RSF1: variants seen among roughly 807,000 people sequenced by gnomAD.
RSF1 encodes remodeling and spacing factor 1, also known as HBV pX-associated protein 8.
In RSF1, 13 loss-of-function variants were observed where a neutral mutation model predicts 145.2. That is an observed-to-expected ratio of 0.09 (90% CI 0.06 to 0.14). The LOEUF (loss-of-function observed/expected upper bound fraction) is 0.14. RSF1 is among the 10% of genes least tolerant of loss of function. RSF1 has a pLI of 1.00. For missense variants in RSF1, 1,517 were observed against 1,718.2 expected, an observed-to-expected ratio of 0.88 and a Z score of 2.07; for synonymous variants, 577 against 592.6, an observed-to-expected ratio of 0.97 and a Z score of 0.38.
At chr11:77,852,224 C>CAAAAA in the RSF1 span, among the ~76,000 whole-genome samples, 1,274 of 33,444 alleles carry the variant, frequency 0.038, 231 homozygotes, top group African/African-American at 0.19. Context: ...GACACTGTCT[C>CAAAAA]AAAAAAAAAA....
intron 1 of RSF1, among the ~76,000 whole-genome samples, chr11:77,774,788 C>T (rs1197247928): frequency 2.7e-5 from 4 of 146,672 alleles, no homozygotes; most frequent in Non-Finnish European, 4.5e-5. Context: ...TTTTTTGAGA[C>T]GGACTCTTGC....
At chr11:77,795,669 G>A (rs1475420123) in intron 1 of RSF1, among the ~76,000 whole-genome samples, 1 of 152,204 alleles carries the variant, frequency 6.6e-6, no homozygotes, top group Non-Finnish European at 1.5e-5. Flanking sequence ...AGCATATGCA[G>A]AAGAATAAAA....
chr11:77,779,385 T>A lies in RSF1; in HGVS notation c.188-14696A>T, dbSNP rs192940892. Among the ~76,000 whole-genome samples the A allele has an allele frequency of 1.8e-3, 183 of 99,248 alleles. 1 individual carries two copies. The highest frequency in any genetic ancestry group is 5.7e-3 in the East Asian group (19 of 3,344). The allele number at this position is 99,248 out of a possible 152,430, so 65.1% of individuals were successfully genotyped here. ...TATGCCTTGCTATTTCTAAAAAAAA[T>A]TTTTTTTTTTTTTTGAGATGGAGTT... is the stretch of plus-strand genomic sequence containing the variant. On this transcript the variant is annotated intron_variant, in intron 1 of 15. Transcript: ENST00000308488.
intron 5 of RSF1, among the ~76,000 whole-genome samples, chr11:77,724,879 GGTTCCTAAC>G (rs1432749391): frequency 2.0e-5 from 3 of 152,180 alleles, no homozygotes; most frequent in African/African-American, 7.2e-5. Flanking sequence ...TGTGCAATCT[GGTTCCTAAC>G]AGGTTACAGA....
At chr11:77,850,558 A>G in the RSF1 span, 1 of 152,206 alleles carries the variant, frequency 6.6e-6, no homozygotes, top group Non-Finnish European at 1.5e-5. Context: ...TAAAAATATA[A>G]GTATAAAATT....
upstream of RSF1, among the ~76,000 whole-genome samples, chr11:77,822,058 C>G (rs1441731048): frequency 1.3e-5 from 2 of 152,086 alleles, no homozygotes; most frequent in Non-Finnish European, 2.9e-5. Flanking sequence ...ATAATTTAGA[C>G]TGAATTCCGC....
At chr11:77,798,443 G>C (rs1177152129) in intron 1 of RSF1, among the ~76,000 whole-genome samples, 5 of 151,386 alleles carry the variant, frequency 3.3e-5, no homozygotes, top group Non-Finnish European at 7.4e-5. Flanking sequence ...AATTTAGCCA[G>C]GCACACACAC....
intron 9 of RSF1, among the ~76,000 whole-genome samples, chr11:77,687,209 A>G (rs139266791): frequency 3.5e-4 from 53 of 152,338 alleles, no homozygotes; most frequent in African/African-American, 1.3e-3. Context: ...TCTAGGAACT[A>G]TATACAACAA....
At chr11:77,758,408 A>G (rs1948137803) in intron 2 of RSF1, among the ~76,000 whole-genome samples, 1 of 152,188 alleles carries the variant, frequency 6.6e-6, no homozygotes, top group Non-Finnish European at 1.5e-5. Flanking sequence ...TAATGCTGCA[A>G]TAAACACTGG....
chr11:77,743,986 C>T (rs1004335276), intron 3 of RSF1, among the ~76,000 whole-genome samples: 2 of 151,764 alleles, frequency 1.3e-5, no homozygotes, highest in Non-Finnish European at 2.9e-5. Context: ...AATATTTGTC[C>T]TTCATTCTCT....
intron 10 of RSF1, among the ~76,000 whole-genome samples, 158 bp from the exon 11 acceptor site, chr11:77,683,977 G>A (rs1430009751): frequency 6.6e-6 from 1 of 152,206 alleles, no homozygotes; most frequent in African/African-American, 2.4e-5. Flanking sequence ...TGGCAACACT[G>A]AGTATACAGA....
chr11:77,748,567 T>C (rs1395843587), intron 2 of RSF1, among the ~76,000 whole-genome samples: 1 of 152,014 alleles, frequency 6.6e-6, no homozygotes, highest in African/African-American at 2.4e-5. Flanking sequence ...AAGGGAAAAA[T>C]ATAAATATTA....
intron 3 of RSF1, among the ~76,000 whole-genome samples, chr11:77,742,766 G>A: frequency 6.6e-6 from 1 of 152,158 alleles, no homozygotes. Flanking sequence ...CTTTTTCTGA[G>A]AAATGTCTAC....
At chr11:77,851,107 A>G in the RSF1 span, 1 of 152,118 alleles carries the variant, frequency 6.6e-6, no homozygotes, top group Admixed American at 6.6e-5. Flanking sequence ...GGCACATGCC[A>G]CCACGCCCGG....
intron 2 of RSF1, among the ~76,000 whole-genome samples, chr11:77,752,331 C>T (rs372876766): frequency 1.3e-5 from 2 of 152,052 alleles, no homozygotes; most frequent in African/African-American, 2.4e-5. Flanking sequence ...AGCACGTATA[C>T]GGTAAGAAAG....
intron 1 of RSF1, among the ~76,000 whole-genome samples, chr11:77,765,822 A>G (rs1198284053): frequency 1.3e-5 from 2 of 152,138 alleles, no homozygotes; most frequent in African/African-American, 4.8e-5. Flanking sequence ...ATCTTGGCTC[A>G]CTGTAATCTC....
intron 2 of RSF1, among the ~76,000 whole-genome samples, chr11:77,751,457 CAA>C (rs55782294): frequency 0.24 from 36,135 of 152,040 alleles, 5,353 homozygotes; most frequent in South Asian, 0.49. Context: ...ATTTATTAAA[CAA>C]ATTTAAAATT....
chr11:77,729,684 A>G (rs1329883379), intron 4 of RSF1, among the ~76,000 whole-genome samples: 1 of 151,918 alleles, frequency 6.6e-6, no homozygotes, highest in Non-Finnish European at 1.5e-5. Context: ...AATCTCCATC[A>G]CAGACTTTGT....
At chr11:77,846,207 A>G in the RSF1 span, among the ~76,000 whole-genome samples, 1 of 152,146 alleles carries the variant, frequency 6.6e-6, no homozygotes, top group African/African-American at 2.4e-5. Context: ...GATTTGACTG[A>G]GATTTCTTTA....
Sources: gnomAD v4.1 joint callset for allele counts (sites outside exome capture counted in the v4.1 genomes callset) on GRCh38, gnomAD v4.1.1 for gene constraint, MANE v1.5 for transcripts, NCBI Gene and HGNC (gene_info 2026-07-23, HGNC 2026-07-21) for gene names.